KCND3: variants seen among roughly 807,000 people sequenced by gnomAD.
KCND3 encodes the protein potassium voltage-gated channel subfamily D member 3.
A neutral mutation model predicts 51.1 loss-of-function variants in KCND3; 9 were observed. The ratio of observed to expected loss-of-function variants is 0.18; its 90% confidence interval spans 0.11 to 0.31. The LOEUF is 0.31. Ranked by LOEUF, KCND3 falls within the 10% of genes least tolerant of loss-of-function variation. KCND3 has a pLI of 1.00. For synonymous variants in KCND3, 349 were observed against 368.0 expected (o/e 0.95, Z 0.59); for missense variants, 526 against 903.8 (o/e 0.58, Z 5.36).
chr1:111,834,996 C>T (rs1395754770), intron 2 of KCND3, among the ~76,000 whole-genome samples: 4 of 152,212 alleles, frequency 2.6e-5, no homozygotes, highest in Non-Finnish European at 4.4e-5. Flanking sequence ...CAGGAGGCAA[C>T]CTGGATCCCT....
intron 7 of KCND3, among the ~76,000 whole-genome samples, 198 bp from the exon 8 acceptor site, chr1:111,776,476 G>A (rs986129573): frequency 2.0e-5 from 3 of 152,198 alleles, no homozygotes; most frequent in African/African-American, 7.2e-5. Flanking sequence ...GTTGTATATA[G>A]TAGGCTTTGA....
chr1:111,987,939 C>T (rs1212061221), intron 1 of KCND3, among the ~76,000 whole-genome samples: 2 of 152,132 alleles, frequency 1.3e-5, no homozygotes, highest in Non-Finnish European at 2.9e-5. Context: ...AAAACATTTT[C>T]CCCTGCTGTA....
intron 2 of KCND3, among the ~76,000 whole-genome samples, chr1:111,844,704 C>T (rs531630667): frequency 6.6e-6 from 1 of 152,314 alleles, no homozygotes; most frequent in East Asian, 1.9e-4. Context: ...GGCCACCCAC[C>T]TCTCCATGTT....
intron 2 of KCND3, among the ~76,000 whole-genome samples, chr1:111,839,059 A>G (rs1419846615): frequency 6.6e-6 from 1 of 152,206 alleles, no homozygotes; most frequent in Non-Finnish European, 1.5e-5. Flanking sequence ...AGTGCACACA[A>G]ACAATCTATT....
At chr1:111,969,675 A>T (rs748381044) in intron 2 of KCND3, among the ~76,000 whole-genome samples, 11 of 152,216 alleles carry the variant, frequency 7.2e-5, no homozygotes, top group African/African-American at 1.4e-4. Context: ...GTTGTTAGGG[A>T]TAATGACAGT....
At position 111,892,203 on chromosome 1, in the gene KCND3, T is replaced by A. The variant is rs539797613; in HGVS notation, c.1106+89418A>T. Among the ~76,000 whole-genome samples, 3 of 152,308 alleles carry A rather than the reference T, an allele frequency of 2.0e-5. No homozygotes were observed. The South Asian group carries it at 6.2e-4, about 32-fold the overall frequency. ...TTTCAGGTGGCAGAGCAACACAGGC[T>A]GAGGCCTGGCGGGGAAAGGGAGCAT... is the stretch of plus-strand genomic sequence containing the variant. On this transcript the variant is annotated intron_variant, in intron 2 of 7. Coordinates refer to ENST00000302127, the MANE Select transcript of KCND3 (RefSeq NM_001378969.1).
At chr1:111,834,265 G>A (rs996603943) in intron 2 of KCND3, among the ~76,000 whole-genome samples, 2 of 152,276 alleles carry the variant, frequency 1.3e-5, no homozygotes, top group East Asian at 1.9e-4. Flanking sequence ...CTTGTAAGGG[G>A]GAGATGTCTT....
chr1:111,965,845 C>T (rs1168546395), intron 2 of KCND3, among the ~76,000 whole-genome samples: 3 of 152,130 alleles, frequency 2.0e-5, no homozygotes, highest in East Asian at 3.9e-4. Context: ...CTGAAGTGAG[C>T]CAGCATGACC....
intron 2 of KCND3, among the ~76,000 whole-genome samples, chr1:111,925,952 C>T (rs1458641815): frequency 6.6e-6 from 1 of 152,150 alleles, no homozygotes; most frequent in African/African-American, 2.4e-5. Flanking sequence ...CACAAAAATG[C>T]CTTATTTGCC....
intron 2 of KCND3, among the ~76,000 whole-genome samples, chr1:111,836,158 C>T (rs916353156): frequency 7.9e-5 from 12 of 152,310 alleles, no homozygotes; most frequent in Admixed American, 2.0e-4. Flanking sequence ...GGACAAGAGA[C>T]TTTTGGTCAT....
chr1:111,921,024 A>G (rs1671451802), intron 2 of KCND3, among the ~76,000 whole-genome samples: 2 of 152,174 alleles, frequency 1.3e-5, no homozygotes, highest in African/African-American at 4.8e-5. Flanking sequence ...TGGGAATTCC[A>G]GGGGGAAGAA....
At chr1:111,917,360 G>A (rs1474789300) in intron 2 of KCND3, among the ~76,000 whole-genome samples, 1 of 152,184 alleles carries the variant, frequency 6.6e-6, no homozygotes. Flanking sequence ...TAGGGAAGGC[G>A]TAATGACTGA....
intron 2 of KCND3, among the ~76,000 whole-genome samples, chr1:111,895,781 A>G (rs888224075): frequency 2.6e-5 from 4 of 152,234 alleles, no homozygotes; most frequent in Admixed American, 2.0e-4. Context: ...AGGAAGCTTC[A>G]GCGGAAACGC....
At chr1:111,866,995 AT>A (rs1432548588) in intron 2 of KCND3, among the ~76,000 whole-genome samples, 1 of 152,122 alleles carries the variant, frequency 6.6e-6, no homozygotes, top group Non-Finnish European at 1.5e-5. Context: ...TAATAAAAAT[AT>A]TTTTTATTGC....
chr1:111,978,523 T>C (rs986347423), intron 2 of KCND3, among the ~76,000 whole-genome samples: 1 of 152,154 alleles, frequency 6.6e-6, no homozygotes, highest in Non-Finnish European at 1.5e-5. Context: ...CAACTAACCA[T>C]GAATGTGGTC....
intron 2 of KCND3, among the ~76,000 whole-genome samples, chr1:111,809,250 GAT>G: frequency 6.6e-6 from 1 of 152,062 alleles, no homozygotes; most frequent in East Asian, 1.9e-4. Flanking sequence ...AGCCCAAGGG[GAT>G]ACAGAACCCA....
intron 2 of KCND3, among the ~76,000 whole-genome samples, chr1:111,836,741 C>T (rs1435549327): frequency 9.2e-6 from 1 of 108,726 alleles, no homozygotes; most frequent in East Asian, 2.3e-4. Flanking sequence ...GACCCCTGAG[C>T]CATTTTATGG....
At chr1:111,850,305 C>G (rs542642378) in intron 2 of KCND3, among the ~76,000 whole-genome samples, 1 of 152,156 alleles carries the variant, frequency 6.6e-6, no homozygotes, top group Non-Finnish European at 1.5e-5. Context: ...ATAGCATCAT[C>G]ATCAGTGACT....
At chr1:111,779,613 C>T (rs1664284160) in intron 5 of KCND3, among the ~76,000 whole-genome samples, 1 of 152,050 alleles carries the variant, frequency 6.6e-6, no homozygotes. Context: ...ATTCCACACT[C>T]CAGCTGTGGC....
Sources: gnomAD v4.1 joint callset for allele counts (sites outside exome capture counted in the v4.1 genomes callset) on GRCh38, gnomAD v4.1.1 for gene constraint, MANE v1.5 for transcripts, NCBI Gene and HGNC (gene_info 2026-07-23, HGNC 2026-07-21) for gene names.